The following RPS6KB2 variants were observed in gnomAD, a reference collection of about 807,000 sequenced individuals.
RPS6KB2 encodes ribosomal protein S6 kinase beta-2.
A neutral mutation model predicts 58.2 loss-of-function variants in RPS6KB2; 51 were observed. The observed-to-expected ratio is 0.88, with a 90% confidence interval of 0.70 to 1.11. The LOEUF (loss-of-function observed/expected upper bound fraction) is 1.11, where lower values mean the gene tolerates loss of function less well. Ranked by LOEUF, RPS6KB2 falls within the 50% of genes least tolerant of loss-of-function variation. The pLI is 0.00. For missense variants in RPS6KB2, 671 were observed against 655.8 expected, an observed-to-expected ratio of 1.02 and a Z score of -0.25; for synonymous variants, 293 against 258.6, an observed-to-expected ratio of 1.13 and a Z score of -1.28.
Position 67,433,195 on chromosome 11 carries a change from G to A in RPS6KB2, c.777G>A (p.Met259Ile), listed in dbSNP as rs1424553335. 6 of 1,606,124 alleles carry A rather than the reference G, an allele frequency of 3.7e-6. No individual in the cohort carries two copies. The African/African-American group carries it at 5.3e-5, about 14-fold the overall frequency. ...AVDWWSLGAL[M>I]YDMLTGSPPF... ...ACTGGTGGAGCCTGGGGGCCCTGAT[G>A]TACGACATGCTCACTGGATCGGCAA... The change falls in exon 9 of 15, where the codon ATG becomes ATA. Residue 259 changes from methionine to isoleucine, a missense_variant. Transcript: ENST00000312629.
At chr11:67,432,522 C>G in intron 5 of RPS6KB2, 78 bp from the exon 6 acceptor site, 1 of 1,503,508 alleles carries the variant, frequency 6.7e-7, no homozygotes, top group South Asian at 1.1e-5. Context: ...CCCCTCTTTC[C>G]CCAAGAAGAA....
rs764381535 is a variant in RPS6KB2, at chr11:67,429,237, C to T, written c.237C>T (p.Gly79=). 1.2e-6 allele frequency: 2 copies of T among 1,612,996 alleles called. No homozygotes were observed. The highest frequency in any genetic ancestry group is 1.1e-5 in the South Asian group (1 of 91,080). ...LLRVLGKGGY[G]KVFQVRKVQG... ...GTGTGCTGGGCAAGGGGGGCTATGG[C>T]AAGGTAGGGGCGGGCGCACCCTCCT... Residue 79 remains glycine, a synonymous_variant, in exon 3 of 15, where the codon GGC becomes GGT. Transcript: ENST00000312629.
chr11:67,431,143 C>T (rs1014733024), intron 4 of RPS6KB2: 10 of 367,042 alleles, frequency 2.7e-5, no homozygotes, highest in Admixed American at 2.5e-4. Context: ...AGCGATTCTC[C>T]TGCCTCAGCC....
In RPS6KB2 at chr11:67,433,026, G is replaced by A. The variant is rs748416853; in HGVS notation, c.691G>A (p.Gly231Ser). Residue 231 changes from glycine (G) to serine (S), a missense_variant, in exon 8 of 15, where the codon GGC becomes AGC. Physicochemically the swap from Gly to Ser is moderately conservative, Grantham distance 56. Coordinates refer to ENST00000312629, the MANE Select transcript of RPS6KB2 (RefSeq NM_003952.3). Reference protein sequence around the residue: ...HEGAVTHTFCGTIEYMAPEIL... With the variant: ...HEGAVTHTFCSTIEYMAPEIL... Reference sequence around the variant, plus strand: ...GGGCGCCGTCACTCACACCTTCTGCGGCACCATTGAGTACATGTAAGTGGC... The same window carrying A: ...GGGCGCCGTCACTCACACCTTCTGCAGCACCATTGAGTACATGTAAGTGGC... The A allele has an allele frequency of 1.2e-5, 20 of 1,613,360 alleles. No homozygotes were observed. Among genetic ancestry groups the A allele is most frequent in the East Asian group, 2.2e-5 (1 of 44,878 alleles).
chr11:67,429,308 A>G, intron 3 of RPS6KB2, 68 bp downstream of exon 3: 1 of 1,592,784 alleles, frequency 6.3e-7, no homozygotes, highest in South Asian at 1.1e-5. Flanking sequence ...GGTTCTCAAA[A>G]CAAATTAGAC....
chr11:67,433,555 G>A, intron 10 of RPS6KB2, 108 bp downstream of exon 10: 5 of 844,486 alleles, frequency 5.9e-6, no homozygotes, highest in Admixed American at 2.2e-5. Flanking sequence ...TGTGCAGTTT[G>A]CCTCTGGGAA....
chr11:67,431,720 T>C (rs1864029102), intron 5 of RPS6KB2: 1 of 558,510 alleles, frequency 1.8e-6, no homozygotes, highest in Admixed American at 3.1e-5. Flanking sequence ...GCACCTACTG[T>C]GTCCCTCACG....
intron 1 of RPS6KB2, 61 bp downstream of exon 1, chr11:67,428,684 C>T (rs1286790799): frequency 1.1e-5 from 17 of 1,486,764 alleles, no homozygotes; most frequent in Non-Finnish European, 1.6e-5. Context: ...CAGCCGAGGC[C>T]GGAGCGGCGG....
rs753733330 is a variant in RPS6KB2, at chr11:67,435,075, C to G, written c.1355C>G (p.Pro452Arg). 5 of 1,611,392 alleles carry G rather than the reference C, an allele frequency of 3.1e-6. No homozygotes were observed. The South Asian group carries it at 5.5e-5, about 18-fold the overall frequency. The stretch of plus-strand genomic sequence containing the variant: ...GAGCTACCTCTACCTCCACTCCTGC[C>G]ACCGCCGCCGCCCTCGACCACCGCC... ...PTELPLPPLLPPPPPSTTAPL... is the reference protein window; with the variant it reads ...PTELPLPPLLRPPPPSTTAPL... Residue 452 changes from proline (P) to arginine (R), a missense_variant, in exon 15 of 15, where the codon CCA (proline) becomes CGA (arginine). By Grantham distance (103) the Pro-to-Arg change is moderately radical. Transcript: ENST00000312629.
chr11:67,434,943 T>C (rs773460508), intron 14 of RPS6KB2, 46 bp from the exon 15 acceptor site: 2 of 1,556,542 alleles, frequency 1.3e-6, no homozygotes, highest in Admixed American at 3.5e-5. Context: ...TGGGAGCCTC[T>C]GGCAGGGCCT....
chr11:67,432,430 G>A (rs941395203), intron 5 of RPS6KB2, 170 bp from the exon 6 acceptor site: 2 of 749,520 alleles, frequency 2.7e-6, no homozygotes, highest in Non-Finnish European at 4.7e-6. Context: ...GCCAGGCACC[G>A]AGTAGGCGTC....
chr11:67,429,327 C>G (rs1863949571), intron 3 of RPS6KB2, 87 bp downstream of exon 3: 4 of 1,552,530 alleles, frequency 2.6e-6, no homozygotes, highest in Non-Finnish European at 3.5e-6. Context: ...ACTTGTGAAT[C>G]AGCAGGGCCT....
intron 5 of RPS6KB2, chr11:67,432,304 G>T (rs991475065): frequency 1.6e-6 from 1 of 629,686 alleles, no homozygotes; most frequent in Non-Finnish European, 3.0e-6. Flanking sequence ...TGGAGCTGTG[G>T]CCTGGGCCTG....
chr11:67,428,689 C>G lies in RPS6KB2; in HGVS notation c.78+66C>G, dbSNP rs996777616. 5.5e-6 allele frequency: 8 copies of G among 1,459,510 alleles called. No individual in the cohort carries two copies. The Admixed American group carries it at 6.5e-5, about 12-fold the overall frequency. 90.4% of individuals were successfully genotyped at this position (1,459,510 alleles called of 1,614,324 possible). On this transcript the variant is annotated intron_variant, in intron 1 of 14. Transcript: ENST00000312629. ...TCCTGTCACCCAGCCGAGGCCGGAG[C>G]GGCGGCTCCGCACGCCCAGAGCGGG...
At chr11:67,433,721 G>A (rs902577921) in intron 10 of RPS6KB2, among the ~76,000 whole-genome samples, 1 of 152,274 alleles carries the variant, frequency 6.6e-6, no homozygotes, top group East Asian at 2.0e-4. Context: ...AGCATCGGAG[G>A]TGTTAGGGGG....
rs879837518 is a variant in RPS6KB2 at position 67,429,472 on chromosome 11, T to A, written c.241-55T>A. The A allele has an allele frequency of 7.0e-3, 10,852 of 1,541,598 alleles. 84 individuals are homozygous for A. Among genetic ancestry groups the A allele is most frequent in the Middle Eastern group, 0.042 (213 of 5,052 alleles). On this transcript the variant is annotated intron_variant, in intron 3 of 14. Transcript: ENST00000312629. ...CAAAGCCAGAGCTTCAGGGTGGGGCTTCTTGAAGATAGGATGTGGAGAGGG... is the reference window on the plus strand; with the variant it reads ...CAAAGCCAGAGCTTCAGGGTGGGGCATCTTGAAGATAGGATGTGGAGAGGG...
At position 67,429,508 on chromosome 11, in the gene RPS6KB2, T is replaced by C; in HGVS notation, c.241-19T>C. The stretch of plus-strand genomic sequence containing the variant: ...AGGATGTGGAGAGGGAAGTTGATCC[T>C]GTCTCCCCTGCCCTACAGGTGTTCC... On this transcript the variant is annotated intron_variant, in intron 3 of 14. Coordinates refer to ENST00000312629, the MANE Select transcript of RPS6KB2 (RefSeq NM_003952.3). 6.2e-7 allele frequency: 1 copy of C among 1,609,536 alleles called. No individual in the cohort carries two copies. Among genetic ancestry groups the C allele is most frequent in the Non-Finnish European group, 8.5e-7 (1 of 1,177,424 alleles).
chr11:67,431,729 C>T lies in RPS6KB2; in HGVS notation c.457+214C>T, dbSNP rs1260348736. The T allele has an allele frequency of 2.4e-5, 13 of 539,688 alleles. No individual in the cohort carries two copies. In the Admixed American group the frequency reaches 2.9e-4, roughly 12 times the overall value. 33.4% of individuals were successfully genotyped at this position (539,688 alleles called of 1,614,324 possible). On this transcript the variant is annotated intron_variant, in intron 5 of 14. Coordinates refer to ENST00000312629, the MANE Select transcript of RPS6KB2 (RefSeq NM_003952.3). Reference sequence around the variant, plus strand: ...TGTCCAGCACCTACTGTGTCCCTCACGTGTGTTGGGGGTGGATGGGCATGG... The same window carrying T: ...TGTCCAGCACCTACTGTGTCCCTCATGTGTGTTGGGGGTGGATGGGCATGG...
In RPS6KB2 at chr11:67,431,414, A is replaced by T; in HGVS notation, c.356A>T (p.Glu119Val). 6.2e-7 allele frequency: 1 copy of T among 1,614,108 alleles called. No homozygotes were observed. Among genetic ancestry groups the T allele is most frequent in the Non-Finnish European group, 8.5e-7 (1 of 1,180,016 alleles). Reference sequence around the variant, plus strand: ...AAGGACACAGCACACACACGGGCTGAGCGGAACATTCTAGAGTCAGTGAAG... The same window carrying T: ...AAGGACACAGCACACACACGGGCTGTGCGGAACATTCTAGAGTCAGTGAAG... ...NAKDTAHTRA[E>V]RNILESVKHP... Residue 119 changes from glutamate to valine, a missense_variant, in exon 5 of 15, where the codon GAG (glutamate) becomes GTG (valine). Glu to Val is a moderately radical substitution (Grantham distance 121). Transcript: ENST00000312629.
Sources: gnomAD v4.1 joint callset for allele counts (sites outside exome capture counted in the v4.1 genomes callset) on GRCh38, gnomAD v4.1.1 for gene constraint, MANE v1.5 for transcripts, NCBI Gene and HGNC (gene_info 2026-07-23, HGNC 2026-07-21) for gene names.